KIAA0753: variants seen among roughly 807,000 people sequenced by gnomAD.
KIAA0753 encodes the protein KIAA0753, also known as protein moonraker.
Under a neutral mutation model 116.9 loss-of-function variants are expected in KIAA0753, and 114 were observed. That is an observed-to-expected ratio of 0.98 (90% CI 0.84 to 1.14). KIAA0753 has a LOEUF of 1.14. KIAA0753 is among the 50% of genes most tolerant of loss of function. The probability of loss-of-function intolerance (pLI) is 0.00; values close to 1 mark genes in which losing one functional copy is unlikely to be tolerated. For missense variants in KIAA0753, 1,156 were observed against 1,172.4 expected, an observed-to-expected ratio of 0.99 and a Z score of 0.20; for synonymous variants, 405 against 413.1, an observed-to-expected ratio of 0.98 and a Z score of 0.24.
intron 13 of KIAA0753, among the ~76,000 whole-genome samples, chr17:6,599,987 A>C (rs1450531086): frequency 1.3e-5 from 2 of 152,186 alleles, no homozygotes; most frequent in Non-Finnish European, 2.9e-5. Context: ...GATTGTGCAC[A>C]GAAGCTGTCC....
rs1422014037 is a variant in KIAA0753 at position 6,610,043 on chromosome 17, C to G, written c.1663G>C (p.Ala555Pro). ...GTGGGGTTTGGGGGTATCCATGGTG[C>G]CTTGCGGTCTTTCACAGGCTGCCGG... The part of the protein sequence containing the change: ...MNRQPVKDRK[A>P]PWIPPNPTSP... The change falls in exon 9 of 19, where the codon GCA becomes CCA. Residue 555 changes from alanine to proline, a missense_variant. By Grantham distance (27) the Ala-to-Pro change is conservative (BLOSUM62 -1). Coordinates refer to ENST00000361413, the MANE Select transcript of KIAA0753 (RefSeq NM_014804.3). The G allele has an allele frequency of 6.2e-7, 1 of 1,613,966 alleles. No individual in the cohort carries two copies.
chr17:6,582,295 T>A (rs1361837224), intron 18 of KIAA0753, among the ~76,000 whole-genome samples: 1 of 152,250 alleles, frequency 6.6e-6, no homozygotes, highest in Non-Finnish European at 1.5e-5. Context: ...GTCAACATAC[T>A]GTGTTCAAAA....
intron 12 of KIAA0753, among the ~76,000 whole-genome samples, chr17:6,602,879 G>C (rs1969966027): frequency 6.6e-6 from 1 of 152,024 alleles, no homozygotes; most frequent in East Asian, 1.9e-4. Context: ...AACATGAGAA[G>C]ATAGCCAAGA....
intron 3 of KIAA0753, among the ~76,000 whole-genome samples, chr17:6,625,616 G>A (rs887373750): frequency 6.6e-6 from 1 of 152,024 alleles, no homozygotes; most frequent in African/African-American, 2.4e-5. Context: ...GCAGTGAGCT[G>A]AGATCGCACC....
Position 6,590,363 on chromosome 17 carries a change from C to A in KIAA0753, c.2561+147G>T, listed in dbSNP as rs191791433. ...ACTCAATGCCCATCTTGTAAACATG[C>A]TATTTACTCAGCCATCTTGGAGTTT... On this transcript the variant is annotated intron_variant, in intron 17 of 18. Transcript: ENST00000361413. 35 of 851,240 alleles carry A rather than the reference C, an allele frequency of 4.1e-5. No individual in the cohort carries two copies. In the East Asian group the frequency reaches 8.4e-4, roughly 20 times the overall value. 52.7% of individuals were successfully genotyped at this position (851,240 alleles called of 1,614,324 possible).
At chr17:6,612,323 G>A (rs1459286908) in intron 7 of KIAA0753, among the ~76,000 whole-genome samples, 175 bp from the exon 8 acceptor site, 1 of 152,202 alleles carries the variant, frequency 6.6e-6, no homozygotes. Context: ...AGGTTTATAA[G>A]CAGAAACCTA....
At chr17:6,580,039 C>T (rs1432215450) in intron 18 of KIAA0753, among the ~76,000 whole-genome samples, 175 bp from the exon 19 acceptor site, 2 of 151,916 alleles carry the variant, frequency 1.3e-5, no homozygotes, top group Non-Finnish European at 2.9e-5. Context: ...ATAAAATTAG[C>T]CGGGCGTGGT....
intron 2 of KIAA0753, among the ~76,000 whole-genome samples, chr17:6,633,743 G>A (rs1972142409): frequency 6.6e-6 from 1 of 152,142 alleles, no homozygotes; most frequent in African/African-American, 2.4e-5. Context: ...CAATGACAAG[G>A]ATGGATCTCA....
chr17:6,628,444 T>C lies in KIAA0753; in HGVS notation c.391A>G (p.Lys131Glu). 6.2e-7 allele frequency: 1 copy of C among 1,614,214 alleles called. No homozygotes were observed. Among genetic ancestry groups the C allele is most frequent in the African/African-American group, 1.3e-5 (1 of 75,046 alleles). ...ATTTTATACTTAGTATGTCCACACT[T>C]CTGAGAGCTTTGAGGCTGACTTCTG... The part of the protein sequence containing the change: ...HLRSQPQSSQ[K>E]CGHTKYKIPD... Residue 131 changes from lysine to glutamate, a missense_variant, in exon 3 of 19, where the codon AAG (lysine) becomes GAG (glutamate). Transcript: ENST00000361413.
intron 12 of KIAA0753, among the ~76,000 whole-genome samples, chr17:6,606,114 AGG>A (rs1970179276): frequency 6.6e-6 from 1 of 152,170 alleles, no homozygotes; most frequent in African/African-American, 2.4e-5. Context: ...GATAGTAGAG[AGG>A]AGCCAAAAGC....
chr17:6,603,236 G>T (rs550931479), intron 12 of KIAA0753, among the ~76,000 whole-genome samples: 1 of 151,790 alleles, frequency 6.6e-6, no homozygotes, highest in African/African-American at 2.4e-5. Context: ...AAGAACAGGA[G>T]TTTCAGAAAC....
intron 7 of KIAA0753, among the ~76,000 whole-genome samples, chr17:6,618,823 G>GA (rs975092194): frequency 6.6e-6 from 1 of 151,940 alleles, no homozygotes; most frequent in Non-Finnish European, 1.5e-5. Flanking sequence ...TTACAACAAA[G>GA]AAAAAAACTT....
chr17:6,594,957 T>C lies in KIAA0753; in HGVS notation c.2440+15A>G, dbSNP rs551354501. ...AGAATAAAATGTTAGGGGAAAAACA[T>C]GGGGAAACACTCACCATTGTTTTCT... On this transcript the variant is annotated intron_variant, in intron 16 of 18. Transcript: ENST00000361413. The C allele has an allele frequency of 8.8e-6, 14 of 1,585,602 alleles. No individual in the cohort carries two copies. In the South Asian group the frequency reaches 1.4e-4, roughly 15 times the overall value.
At chr17:6,584,805 C>T (rs1968446609) in intron 18 of KIAA0753, among the ~76,000 whole-genome samples, 1 of 152,178 alleles carries the variant, frequency 6.6e-6, no homozygotes, top group Non-Finnish European at 1.5e-5. Flanking sequence ...AGCATGTGAA[C>T]TAAATTTTTA....
intron 6 of KIAA0753, 148 bp downstream of exon 6, chr17:6,622,734 A>G (rs989115673): frequency 3.0e-6 from 2 of 675,842 alleles, no homozygotes; most frequent in African/African-American, 1.8e-5. Flanking sequence ...TAGCAAAACA[A>G]AAAGAAGTGT....
intron 7 of KIAA0753, among the ~76,000 whole-genome samples, chr17:6,617,990 T>C (rs1971046633): frequency 6.6e-6 from 1 of 152,096 alleles, no homozygotes; most frequent in Non-Finnish European, 1.5e-5. Context: ...TAATCCCAGC[T>C]ACTCAGGAGG....
At chr17:6,640,372 C>G (rs1464673613) in intron 1 of KIAA0753, 1 of 152,952 alleles carries the variant, frequency 6.5e-6, no homozygotes, top group Non-Finnish European at 1.5e-5. Context: ...GTCTTAGCAC[C>G]TCGCTCCCTA....
At chr17:6,587,695 T>C (rs1312832767) in intron 18 of KIAA0753, among the ~76,000 whole-genome samples, 1 of 152,214 alleles carries the variant, frequency 6.6e-6, no homozygotes, top group Non-Finnish European at 1.5e-5. Context: ...AAGCATCTTA[T>C]ATACTTTGAA....
chr17:6,599,307 G>A lies in KIAA0753; in HGVS notation c.2102C>T (p.Thr701Ile). The change falls in exon 14 of 19, where the codon ACT becomes ATT. Residue 701 changes from threonine to isoleucine, a missense_variant. Coordinates refer to ENST00000361413, the MANE Select transcript of KIAA0753 (RefSeq NM_014804.3). Reference sequence around the variant, plus strand: ...TTTCAAATGAATATTTGCTTCTGTAGTAGAATTGACTCTCTATTAAAACAG... The same window carrying A: ...TTTCAAATGAATATTTGCTTCTGTAATAGAATTGACTCTCTATTAAAACAG... ...LLVKAQRVNS[T>I]TEANIHLKDG... is the part of the protein sequence containing the mutation. 6.2e-7 allele frequency: 1 copy of A among 1,611,804 alleles called. No individual in the cohort carries two copies. Among genetic ancestry groups the A allele is most frequent in the Non-Finnish European group, 8.5e-7 (1 of 1,178,032 alleles).
Sources: allele counts gnomAD v4.1 joint callset (sites outside exome capture counted in the v4.1 genomes callset), GRCh38; gene constraint gnomAD v4.1.1; transcripts MANE v1.5; gene names NCBI Gene and HGNC (gene_info 2026-07-23, HGNC 2026-07-21).